Variants in RBFOX1 observed in about 807,000 individuals in gnomAD.
RBFOX1 encodes RNA binding fox-1 homolog 1, also known as RNA binding protein fox-1 homolog 1.
RBFOX1 carries 8 observed loss-of-function variants against 57.7 expected under a neutral mutation model. That is an observed-to-expected ratio of 0.14 (90% CI 0.08 to 0.25). RBFOX1 has a LOEUF of 0.25. RBFOX1 is among the 10% of genes least tolerant of loss of function. The pLI is 1.00. For synonymous variants in RBFOX1, 326 were observed against 222.4 expected, an observed-to-expected ratio of 1.47 and a Z score of -4.15; for missense variants, 611 against 548.5, an observed-to-expected ratio of 1.11 and a Z score of -1.14.
chr16:5,528,662 C>A (rs758138821), intron 2 of RBFOX1, among the ~76,000 whole-genome samples: 23 of 151,194 alleles, frequency 1.5e-4, no homozygotes, highest in Non-Finnish European at 2.9e-4. Flanking sequence ...CTCCCCTCCC[C>A]TCCTGTCCTC....
At chr16:5,339,473 T>TTTTTTG (rs2064985110) in intron 1 of RBFOX1, among the ~76,000 whole-genome samples, 2 of 64,488 alleles carry the variant, frequency 3.1e-5, no homozygotes, top group African/African-American at 1.7e-4. Context: ...TTTCCGTGTT[T>TTTTTTG]TTTTTTTTTT....
chr16:7,671,702 C>A, intron 13 of RBFOX1: 1 of 1,075,522 alleles, frequency 9.3e-7, no homozygotes, highest in Non-Finnish European at 1.4e-6. Context: ...AGTTCTCTAA[C>A]ATAGGAGGAA....
chr16:6,377,664 G>C (rs1419633197), intron 2 of RBFOX1, among the ~76,000 whole-genome samples: 1 of 152,138 alleles, frequency 6.6e-6, no homozygotes, highest in Non-Finnish European at 1.5e-5. Flanking sequence ...CCTCAAGATT[G>C]CTTTGCTGTT....
rs780351349 is a variant in RBFOX1 at position 7,671,615 on chromosome 16, T to C, written c.931-5159T>C. 1.0e-5 allele frequency: 16 copies of C among 1,605,412 alleles called. No individual in the cohort carries two copies. Among genetic ancestry groups the C allele is most frequent in the Admixed American group, 6.7e-5 (4 of 59,966 alleles). ...ATTGCTGCAGGTATGAAATCCCGAC[T>C]GGTGGAGAAACTCATCACTATGATT... On this transcript the variant is annotated intron_variant, in intron 13 of 15. Transcript: ENST00000550418.
intron 2 of RBFOX1, among the ~76,000 whole-genome samples, chr16:5,589,488 C>G (rs1245080921): frequency 6.6e-6 from 1 of 152,152 alleles, no homozygotes; most frequent in East Asian, 1.9e-4. Flanking sequence ...GGAAGAAACT[C>G]AGAGGATAGA....
intron 3 of RBFOX1, among the ~76,000 whole-genome samples, chr16:5,820,864 G>A (rs1026629498): frequency 2.6e-5 from 4 of 151,994 alleles, no homozygotes; most frequent in Admixed American, 6.6e-5. Context: ...TCTCAATTTC[G>A]GGAAGTCTTC....
intron 3 of RBFOX1, among the ~76,000 whole-genome samples, chr16:5,680,629 C>T (rs991431079): frequency 1.4e-4 from 22 of 152,100 alleles, no homozygotes; most frequent in Non-Finnish European, 2.6e-4. Context: ...TTAAAGTCAG[C>T]GGAGTGAAGG....
At chr16:7,456,213 T>A (rs2058482088) in intron 4 of RBFOX1, among the ~76,000 whole-genome samples, 1 of 152,204 alleles carries the variant, frequency 6.6e-6, no homozygotes, top group Non-Finnish European at 1.5e-5. Context: ...ATCCATCCCT[T>A]TAACAGTTCC....
At chr16:7,571,058 AACAACAC>A (rs1272490863) in intron 5 of RBFOX1, among the ~76,000 whole-genome samples, 3 of 152,144 alleles carry the variant, frequency 2.0e-5, no homozygotes, top group Non-Finnish European at 4.4e-5. Context: ...CAGGGAGGGG[AACAACAC>A]ACACTGGGGG....
At chr16:6,007,072 G>A (rs2094932033) in intron 4 of RBFOX1, among the ~76,000 whole-genome samples, 1 of 152,024 alleles carries the variant, frequency 6.6e-6, no homozygotes, top group Non-Finnish European at 1.5e-5. Context: ...ATTTCTCACT[G>A]GAACCAAGCT....
At chr16:7,424,142 G>A (rs533646188) in intron 4 of RBFOX1, among the ~76,000 whole-genome samples, 2 of 152,038 alleles carry the variant, frequency 1.3e-5, no homozygotes, top group African/African-American at 2.4e-5. Flanking sequence ...AGGAAAAAGA[G>A]CCATGCAATG....
At chr16:7,000,400 C>G (rs903197388) in intron 3 of RBFOX1, among the ~76,000 whole-genome samples, 1 of 152,036 alleles carries the variant, frequency 6.6e-6, no homozygotes, top group Non-Finnish European at 1.5e-5. Flanking sequence ...TGTTTGCAAT[C>G]TATTTGTTGA....
At chr16:6,594,062 G>T (rs1372191300) in intron 2 of RBFOX1, among the ~76,000 whole-genome samples, 2 of 152,150 alleles carry the variant, frequency 1.3e-5, no homozygotes, top group African/African-American at 4.8e-5. Flanking sequence ...ACTGTTTGAG[G>T]ACACTTGAGT....
At chr16:7,109,804 T>A (rs759008974) in intron 4 of RBFOX1, among the ~76,000 whole-genome samples, 1 of 152,108 alleles carries the variant, frequency 6.6e-6, no homozygotes, top group African/African-American at 2.4e-5. Context: ...CAAACCTGAA[T>A]TGACACCTTC....
intron 1 of RBFOX1, among the ~76,000 whole-genome samples, chr16:6,269,565 G>A (rs1399685450): frequency 1.3e-5 from 2 of 152,176 alleles, no homozygotes; most frequent in Non-Finnish European, 2.9e-5. Context: ...AAGCCACAGA[G>A]TCAAATAAGA....
At chr16:6,804,558 A>G (rs1172887387) in intron 3 of RBFOX1, among the ~76,000 whole-genome samples, 1 of 152,170 alleles carries the variant, frequency 6.6e-6, no homozygotes, top group East Asian at 1.9e-4. Context: ...TAAATATTGT[A>G]TGTGGCTACT....
chr16:7,618,822 A>C (rs964539547), intron 10 of RBFOX1, among the ~76,000 whole-genome samples: 13 of 152,204 alleles, frequency 8.5e-5, no homozygotes, highest in African/African-American at 3.1e-4. Flanking sequence ...ACTTTGAGTA[A>C]CTTCATCAGT....
chr16:6,815,364 C>T (rs543877358), intron 3 of RBFOX1, among the ~76,000 whole-genome samples: 7 of 152,154 alleles, frequency 4.6e-5, no homozygotes, highest in Non-Finnish European at 7.3e-5. Flanking sequence ...CTAAGATTGC[C>T]TAACCTTCTG....
intron 2 of RBFOX1, among the ~76,000 whole-genome samples, chr16:5,490,531 A>G (rs1463600560): frequency 1.3e-5 from 2 of 152,194 alleles, no homozygotes; most frequent in Non-Finnish European, 2.9e-5. Flanking sequence ...ACTTTGGGAT[A>G]GCTGAGAGCT....
Sources: gnomAD v4.1 joint callset for allele counts (sites outside exome capture counted in the v4.1 genomes callset) on GRCh38, gnomAD v4.1.1 for gene constraint, MANE v1.5 for transcripts, NCBI Gene and HGNC (gene_info 2026-07-23, HGNC 2026-07-21) for gene names.